The following ANKS1B variants were observed in gnomAD, a reference collection of about 807,000 sequenced individuals.
The protein encoded by ANKS1B is ankyrin repeat and sterile alpha motif domain-containing protein 1B.
Under a neutral mutation model 148.3 loss-of-function variants are expected in ANKS1B, and 36 were observed. The ratio of observed to expected loss-of-function variants is 0.24; its 90% CI spans 0.19 to 0.32. The LOEUF (loss-of-function observed/expected upper bound fraction) is 0.32, where lower values mean the gene tolerates loss of function less well. Ranked by LOEUF, ANKS1B falls within the 10% of genes least tolerant of loss-of-function variation. The probability of loss-of-function intolerance (pLI) is 1.00; values close to 1 mark genes in which losing one functional copy is unlikely to be tolerated. For missense variants in ANKS1B, 1,157 were observed against 1,542.6 expected, an observed-to-expected ratio of 0.75 and a Z score of 4.19; for synonymous variants, 542 against 560.8, an observed-to-expected ratio of 0.97 and a Z score of 0.47.
intron 8 of ANKS1B, among the ~76,000 whole-genome samples, chr12:99,697,725 T>C (rs2054150394): frequency 6.6e-6 from 1 of 152,138 alleles, no homozygotes; most frequent in Non-Finnish European, 1.5e-5. Context: ...TAAAACCCTA[T>C]ATAAACAATG....
intron 9 of ANKS1B, among the ~76,000 whole-genome samples, chr12:99,608,176 T>C (rs1443945563): frequency 6.6e-6 from 1 of 152,104 alleles, no homozygotes; most frequent in Non-Finnish European, 1.5e-5. Flanking sequence ...GTGTGTAACC[T>C]AATGTCAATT....
At chr12:98,885,339 CA>C (rs1329440283) in intron 17 of ANKS1B, among the ~76,000 whole-genome samples, 1 of 152,232 alleles carries the variant, frequency 6.6e-6, no homozygotes. Context: ...GCTAAAGAGA[CA>C]CAGTGTTCCT....
intron 8 of ANKS1B, among the ~76,000 whole-genome samples, chr12:99,771,695 C>T (rs2153621107): frequency 6.6e-6 from 1 of 152,054 alleles, no homozygotes; most frequent in Admixed American, 6.5e-5. Flanking sequence ...ACATATACAA[C>T]TGTTCATAGT....
At chr12:99,766,139 C>G (rs189753636) in intron 8 of ANKS1B, among the ~76,000 whole-genome samples, 33 of 152,292 alleles carry the variant, frequency 2.2e-4, no homozygotes, top group African/African-American at 7.7e-4. Flanking sequence ...AACATATACA[C>G]TTTTATATGC....
chr12:99,360,666 A>G (rs1436007749), intron 12 of ANKS1B, among the ~76,000 whole-genome samples: 1 of 152,136 alleles, frequency 6.6e-6, no homozygotes, highest in African/African-American at 2.4e-5. Flanking sequence ...GCATGTACAA[A>G]ATAGTGGTTT....
chr12:99,243,184 A>G (rs1410297354), intron 14 of ANKS1B, among the ~76,000 whole-genome samples: 1 of 152,236 alleles, frequency 6.6e-6, no homozygotes, highest in Non-Finnish European at 1.5e-5. Context: ...TTACAAGAGA[A>G]AAACAAATAA....
At chr12:99,410,340 T>TA (rs35507299) in intron 11 of ANKS1B, among the ~76,000 whole-genome samples, 41,321 of 147,466 alleles carry the variant, frequency 0.28, 5,875 homozygotes, top group East Asian at 0.5. Context: ...TGATCTTTTA[T>TA]AAAAAAAAAA....
intron 17 of ANKS1B, among the ~76,000 whole-genome samples, chr12:99,052,516 A>G (rs966920375): frequency 6.6e-6 from 1 of 150,748 alleles, no homozygotes; most frequent in Non-Finnish European, 1.5e-5. Flanking sequence ...TCATGAGGTC[A>G]GGAGATCGAG....
At chr12:99,239,844 A>C (rs1392591480) in intron 14 of ANKS1B, among the ~76,000 whole-genome samples, 1 of 152,224 alleles carries the variant, frequency 6.6e-6, no homozygotes, top group Non-Finnish European at 1.5e-5. Context: ...GAGAAATAAA[A>C]TCCTTTACAG....
intron 9 of ANKS1B, among the ~76,000 whole-genome samples, chr12:99,592,256 T>C (rs1028210280): frequency 2.0e-5 from 3 of 152,156 alleles, no homozygotes; most frequent in African/African-American, 7.2e-5. Flanking sequence ...GCTCTTTATT[T>C]TGCCAGCTAC....
chr12:99,085,479 T>C (rs2051378493), intron 15 of ANKS1B, among the ~76,000 whole-genome samples: 1 of 152,172 alleles, frequency 6.6e-6, no homozygotes, highest in Admixed American at 6.6e-5. Flanking sequence ...GAATGAATCA[T>C]TTTTCCCCCC....
At chr12:98,961,340 T>C in intron 17 of ANKS1B, among the ~76,000 whole-genome samples, 1 of 152,174 alleles carries the variant, frequency 6.6e-6, no homozygotes, top group Admixed American at 6.5e-5. Flanking sequence ...ACATATTTAA[T>C]GTGCTGAAGG....
intron 12 of ANKS1B, among the ~76,000 whole-genome samples, chr12:99,365,562 T>C (rs1456420602): frequency 6.6e-6 from 1 of 151,952 alleles, no homozygotes; most frequent in Non-Finnish European, 1.5e-5. Context: ...AGGTAAGAAA[T>C]AGGAACCCGG....
Position 98,745,779 on chromosome 12 carries a change from T to C in ANKS1B, c.3818A>G (p.Lys1273Arg). The C allele has an allele frequency of 6.2e-7, 1 of 1,613,818 alleles. No homozygotes were observed. Among genetic ancestry groups the C allele is most frequent in the Middle Eastern group, 1.6e-4 (1 of 6,062 alleles). ...TTCATACTTGGTATTAATGCCCCTCTTGGCTTCTTGGCCCGGCTCCACAAT... is the reference window on the plus strand; with the variant it reads ...TTCATACTTGGTATTAATGCCCCTCCTGGCTTCTTGGCCCGGCTCCACAAT... The part of the protein sequence containing the change: ...PWIVEPGQEA[K>R]RGINTKYETT... Residue 1273 changes from lysine to arginine, a missense_variant, in exon 27 of 27, where the codon AAG becomes AGG. This residue lies in a region of ANKS1B where 46 missense variants were observed against 62.0 expected (regional missense o/e 0.74). Transcript: ENST00000683438.
At chr12:99,461,065 TAC>T (rs548152939) in intron 10 of ANKS1B, among the ~76,000 whole-genome samples, 5 of 141,064 alleles carry the variant, frequency 3.5e-5, no homozygotes, top group African/African-American at 1.6e-4. Flanking sequence ...TATATATATA[TAC>T]ACATACACAC....
At chr12:99,450,895 T>C (rs2095721415) in intron 10 of ANKS1B, among the ~76,000 whole-genome samples, 1 of 152,164 alleles carries the variant, frequency 6.6e-6, no homozygotes, top group Admixed American at 6.6e-5. Flanking sequence ...AAAATCCAAA[T>C]GAGAAGCATA....
At chr12:99,552,216 T>C (rs1787005353) in intron 9 of ANKS1B, among the ~76,000 whole-genome samples, 1 of 152,144 alleles carries the variant, frequency 6.6e-6, no homozygotes, top group Non-Finnish European at 1.5e-5. Context: ...TATAATGAAA[T>C]GATTGTGAAA....
chr12:99,164,243 T>G (rs932524259), intron 14 of ANKS1B, among the ~76,000 whole-genome samples: 1 of 152,150 alleles, frequency 6.6e-6, no homozygotes, highest in Non-Finnish European at 1.5e-5. Context: ...CTTTAAAAAA[T>G]GAGCATTTAA....
At chr12:98,946,255 T>G (rs1349549491) in intron 17 of ANKS1B, among the ~76,000 whole-genome samples, 1 of 152,226 alleles carries the variant, frequency 6.6e-6, no homozygotes, top group Non-Finnish European at 1.5e-5. Context: ...CATCTTATTA[T>G]AGATCTGATG....
Sources: allele counts gnomAD v4.1 joint callset (sites outside exome capture counted in the v4.1 genomes callset), GRCh38; gene constraint gnomAD v4.1.1; regional missense constraint gnomAD v4.1.1; transcripts MANE v1.5; gene names NCBI Gene and HGNC (gene_info 2026-07-23, HGNC 2026-07-21).